MACF1: variants seen among roughly 807,000 people sequenced by gnomAD.
The protein encoded by MACF1 is microtubule-actin cross-linking factor 1.
In MACF1, 193 loss-of-function variants were observed where a neutral mutation model predicts 854.8. The observed-to-expected ratio is 0.23, with a 90% CI of 0.20 to 0.25. MACF1 has a LOEUF of 0.25. Ranked by LOEUF, MACF1 falls within the 10% of genes least tolerant of loss-of-function variation. The pLI, the probability that MACF1 is intolerant of heterozygous loss-of-function variation, is 1.00. For synonymous variants in MACF1, 3,185 were observed against 3,226.7 expected (o/e 0.99, Z 0.44); for missense variants, 7,722 against 8,929.1 (o/e 0.86, Z 5.45).
rs1374482791 is a variant in MACF1, at chr1:39,337,759, G to GT, written c.10215+435dup. Reference sequence around the variant, plus strand: ...TTTTTCTTGTTTGTTTGTTTTTTGTGTTTTTTTGTGTGTGTGTGTTTTTTT... The same window carrying GT: ...TTTTTCTTGTTTGTTTGTTTTTTGTGTTTTTTTTGTGTGTGTGTGTTTTTTT... On this transcript the variant is annotated intron_variant, in intron 38 of 100. Coordinates refer to ENST00000564288, the MANE Select transcript of MACF1 (RefSeq NM_001394062.1). Among the ~76,000 whole-genome samples the GT allele has an allele frequency of 3.1e-4, 45 of 144,998 alleles. 1 individual carries two copies. Among genetic ancestry groups the GT allele is most frequent in the Middle Eastern group, 3.6e-3 (1 of 274 alleles).
At chr1:39,123,112 G>A (rs1376756871) in intron 2 of MACF1, among the ~76,000 whole-genome samples, 2 of 151,856 alleles carry the variant, frequency 1.3e-5, no homozygotes, top group Non-Finnish European at 2.9e-5. Context: ...AGGAGTTGTA[G>A]TAATCAGAAG....
chr1:39,475,136 T>C (rs1359820472), intron 97 of MACF1, among the ~76,000 whole-genome samples: 1 of 152,072 alleles, frequency 6.6e-6, no homozygotes, highest in African/African-American at 2.4e-5. Flanking sequence ...TCAAATGAAT[T>C]TGGGAGATGC....
intron 21 of MACF1, chr1:39,298,660 C>G: frequency 2.3e-6 from 1 of 429,792 alleles, no homozygotes; most frequent in Middle Eastern, 5.9e-4. Context: ...TTTACACTTT[C>G]AGGTATTGTA....
intron 57 of MACF1, among the ~76,000 whole-genome samples, chr1:39,386,168 T>C (rs1400716704): frequency 6.6e-6 from 1 of 152,044 alleles, no homozygotes; most frequent in Non-Finnish European, 1.5e-5. Flanking sequence ...CTAATAAAAT[T>C]TCAGTCAGCA....
At chr1:39,306,610 CTTTT>C (rs35360749) in intron 23 of MACF1, among the ~76,000 whole-genome samples, 1 of 124,508 alleles carries the variant, frequency 8.0e-6, no homozygotes. Context: ...ACCATTCTAT[CTTTT>C]TTTTTTTTTT....
intron 52 of MACF1, among the ~76,000 whole-genome samples, chr1:39,377,773 G>A (rs1649850177): frequency 1.3e-5 from 2 of 152,196 alleles, no homozygotes; most frequent in African/African-American, 4.8e-5. Context: ...GGAGGCCGAG[G>A]CAGGCAGATC....
rs181850215 is a variant in MACF1, at chr1:39,388,320, G to A, written c.15478G>A (p.Glu5160Lys). Residue 5160 changes from glutamate to lysine, a missense_variant, in exon 58 of 101, where the codon GAG becomes AAG. By Grantham distance (56) the Glu-to-Lys change is moderately conservative. Coordinates refer to ENST00000564288, the MANE Select transcript of MACF1 (RefSeq NM_001394062.1). ...RDTDSLQSQI[E>K]DVRLFLNKIH... ...CACTGATAGCCTCCAGTCCCAAATCGAGGATGTCCGGCTATTCCTTAACAA... is the reference window on the plus strand; with the variant it reads ...CACTGATAGCCTCCAGTCCCAAATCAAGGATGTCCGGCTATTCCTTAACAA... The A allele has an allele frequency of 7.6e-5, 122 of 1,614,200 alleles. No individual in the cohort carries two copies. In the East Asian group the frequency reaches 2.1e-3, roughly 28 times the overall value.
At chr1:39,134,247 T>C (rs990935934) in intron 2 of MACF1, among the ~76,000 whole-genome samples, 4 of 150,848 alleles carry the variant, frequency 2.7e-5, no homozygotes, top group Non-Finnish European at 5.9e-5. Flanking sequence ...GGGGTTTCAC[T>C]GTGTTAGCCA....
chr1:39,448,532 T>G (rs1644273082), intron 83 of MACF1, 62 bp from the exon 84 acceptor site: 1 of 1,364,544 alleles, frequency 7.3e-7, no homozygotes, highest in African/African-American at 1.5e-5. Flanking sequence ...CAAATTCTTT[T>G]GTTCCAAATC....
At chr1:39,367,811 C>T (rs1005141302) in intron 49 of MACF1, among the ~76,000 whole-genome samples, 8 of 151,642 alleles carry the variant, frequency 5.3e-5, no homozygotes, top group Non-Finnish European at 1.5e-5. Flanking sequence ...CTTTTTAATA[C>T]AAAAAATAAT....
rs1253359414 is a variant in MACF1, at chr1:39,387,400, T to C, written c.14558T>C (p.Ile4853Thr). The change falls in exon 58 of 101, where the codon ATT (isoleucine) becomes ACT (threonine). Residue 4853 changes from isoleucine to threonine, a missense_variant. Ile to Thr is a moderately conservative substitution (Grantham distance 89, BLOSUM62 -1). Around this residue, in one of 15 missense-constraint regions of MACF1, gnomAD observed 2,807 missense variants for 3,235.8 expected, o/e 0.87. Coordinates refer to ENST00000564288, the MANE Select transcript of MACF1 (RefSeq NM_001394062.1). ...LNQHSGSYEV[I>T]VAEGESLLLS... is the part of the protein sequence containing the mutation. ...CAACACAGTGGCTCCTATGAGGTGA[T>C]TGTGGCTGAAGGGGAATCTCTACTT... is the stretch of plus-strand genomic sequence containing the variant. 1.2e-6 allele frequency: 2 copies of C among 1,614,088 alleles called. No homozygotes were observed. Among genetic ancestry groups the C allele is most frequent in the Non-Finnish European group, 1.7e-6 (2 of 1,180,018 alleles).
Position 39,287,287 on chromosome 1 carries a change from G to T in MACF1, c.1510G>T (p.Val504Phe), listed in dbSNP as rs1037382545. ...YYQLEELAFR[V>F]MRLQDELVTL... ...CTTTTTTCTCTTCTTCCATTTCAGG[G>T]TCATGCGTCTTCAGGATGAGCTGGT... The change falls in exon 15 of 101, where the codon GTC becomes TTC. Residue 504 changes from valine (V) to phenylalanine (F), a missense_variant and splice_region_variant. Around this residue, in one of 15 missense-constraint regions of MACF1, gnomAD observed 1,137 missense variants for 1,263.0 expected, o/e 0.90. Coordinates refer to ENST00000564288, the MANE Select transcript of MACF1 (RefSeq NM_001394062.1). 2.5e-6 allele frequency: 4 copies of T among 1,613,438 alleles called. No homozygotes were observed. Among genetic ancestry groups the T allele is most frequent in the Non-Finnish European group, 3.4e-6 (4 of 1,179,528 alleles).
Position 39,224,743 on chromosome 1 carries a change from C to G in MACF1, c.110-6439C>G, listed in dbSNP as rs564892883. Among the ~76,000 whole-genome samples the G allele has an allele frequency of 2.6e-5, 4 of 152,092 alleles. 1 individual carries two copies. In the South Asian group the frequency reaches 6.2e-4, roughly 24 times the overall value. On this transcript the variant is annotated intron_variant, in intron 1 of 100. Coordinates refer to ENST00000564288, the MANE Select transcript of MACF1 (RefSeq NM_001394062.1). ...CTATGGAGAAGAGCAGCAAAGAGAT[C>G]CAGATTTTAGGTAGAAGGACTGACT...
chr1:39,458,372 A>G lies in MACF1; in HGVS notation c.21078A>G (p.Thr7026=), dbSNP rs775853872. The G allele has an allele frequency of 3.1e-6, 5 of 1,611,874 alleles. No individual in the cohort carries two copies. The highest frequency in any genetic ancestry group is 1.3e-5 in the African/African-American group (1 of 74,650). Residue 7026 remains threonine (T), a splice_region_variant and synonymous_variant, in exon 90 of 101, where the codon ACA becomes ACG. Coordinates refer to ENST00000564288, the MANE Select transcript of MACF1 (RefSeq NM_001394062.1). ...TTCCTATTTTTTGTGTTTAACAGAC[A>G]TTTATGGAGGAGATGACTCGCAAAC... is the stretch of plus-strand genomic sequence containing the variant. ...RVKALIAEHQ[T]FMEEMTRKQP... is the part of the protein sequence containing the mutation.
At chr1:39,223,390 C>T (rs1048493951) in intron 1 of MACF1, among the ~76,000 whole-genome samples, 26 of 152,138 alleles carry the variant, frequency 1.7e-4, no homozygotes, top group African/African-American at 6.0e-4. Flanking sequence ...ACCTTGTGAT[C>T]TTGGGCAAGC....
chr1:39,350,071 TA>T (rs1360395462), intron 42 of MACF1, among the ~76,000 whole-genome samples: 1 of 152,188 alleles, frequency 6.6e-6, no homozygotes, highest in Non-Finnish European at 1.5e-5. Flanking sequence ...AAAATGAACA[TA>T]AAATTATTAA....
intron 40 of MACF1, among the ~76,000 whole-genome samples, chr1:39,346,494 G>A (rs2148493270): frequency 6.6e-6 from 1 of 151,652 alleles, no homozygotes; most frequent in Non-Finnish European, 1.5e-5. Context: ...TTTATGAGGA[G>A]TTTGGAGAGA....
intron 6 of MACF1, among the ~76,000 whole-genome samples, chr1:39,280,750 A>T (rs1026017258): frequency 4.6e-5 from 7 of 151,700 alleles, no homozygotes; most frequent in Non-Finnish European, 1.0e-4. Flanking sequence ...GTTAATTTTT[A>T]TATTTTTAGT....
In MACF1 at chr1:39,347,203, T is replaced by C. The variant is rs941217424; in HGVS notation, c.10808T>C (p.Leu3603Pro). 4 of 1,612,040 alleles carry C rather than the reference T, an allele frequency of 2.5e-6. No individual in the cohort carries two copies. The Admixed American group carries it at 5.0e-5, about 20-fold the overall frequency. The change falls in exon 41 of 101, where the codon CTG (leucine) becomes CCG (proline). Residue 3603 changes from leucine (L) to proline (P), a missense_variant. Leu to Pro is a moderately conservative substitution (Grantham distance 98). Transcript: ENST00000564288. ...CTTCAACAAATGGAGCAGGAAGCCC[T>C]GGTGAAGGTCAGACTGAACCAGCAG... ...GHLQQMEQEALVKTLQKQQNT... is the reference protein window; with the variant it reads ...GHLQQMEQEAPVKTLQKQQNT...
Sources: gnomAD v4.1 joint callset for allele counts (sites outside exome capture counted in the v4.1 genomes callset) on GRCh38, gnomAD v4.1.1 for gene constraint, gnomAD v4.1.1 regional missense constraint, MANE v1.5 for transcripts, NCBI Gene and HGNC (gene_info 2026-07-23, HGNC 2026-07-21) for gene names.